The following CAPZB variants were observed in gnomAD, a reference collection of about 807,000 sequenced individuals.
CAPZB encodes the protein capping actin protein of muscle Z-line subunit beta.
In CAPZB, 2 loss-of-function variants were observed where a neutral mutation model predicts 38.1. That is an observed-to-expected ratio of 0.05 (90% CI 0.02 to 0.17). The LOEUF is 0.17. CAPZB is among the 10% of genes least tolerant of loss of function. The probability of loss-of-function intolerance (pLI) is 1.00; values close to 1 mark genes in which losing one functional copy is unlikely to be tolerated. For missense variants in CAPZB, 161 were observed against 334.2 expected (o/e 0.48, Z 4.04); for synonymous variants, 107 against 127.4 (o/e 0.84, Z 1.08).
chr1:19,363,517 C>A (rs905430519), intron 4 of CAPZB, among the ~76,000 whole-genome samples: 1 of 151,888 alleles, frequency 6.6e-6, no homozygotes, highest in Admixed American at 6.6e-5. Flanking sequence ...ATTCTATGTC[C>A]GTAACTTTTC....
rs11384902 is a variant in CAPZB, at chr1:19,442,009, C to CAAAAAAAAAAA, written c.4-22270_4-22260dup. On this transcript the variant is annotated intron_variant, in intron 1 of 8. Transcript: ENST00000264202. ...GGGCGACAGAGCAAGACTCTGTCTC[C>CAAAAAAAAAAA]AAAAAAAAAAAAAAAAAAAGCACAG... Among the ~76,000 whole-genome samples, 2 of 86,058 alleles carry CAAAAAAAAAAA rather than the reference C, an allele frequency of 2.3e-5. 1 individual carries two copies. Among genetic ancestry groups the CAAAAAAAAAAA allele is most frequent in the African/African-American group, 9.8e-5 (2 of 20,502 alleles). 56.5% of individuals were successfully genotyped at this position (86,058 alleles called of 152,430 possible).
intron 3 of CAPZB, among the ~76,000 whole-genome samples, chr1:19,381,900 C>T (rs2094177017): frequency 6.6e-6 from 1 of 152,096 alleles, no homozygotes; most frequent in Non-Finnish European, 1.5e-5. Flanking sequence ...TGAAAAGATG[C>T]TGTCGCCATG....
chr1:19,399,745 A>C (rs2094292930), intron 2 of CAPZB, among the ~76,000 whole-genome samples: 1 of 152,206 alleles, frequency 6.6e-6, no homozygotes, highest in Non-Finnish European at 1.5e-5. Flanking sequence ...TTGCTTAAAA[A>C]AAGGGCTGTA....
intron 1 of CAPZB, among the ~76,000 whole-genome samples, chr1:19,473,804 C>T (rs1390241009): frequency 6.6e-6 from 1 of 152,084 alleles, no homozygotes; most frequent in East Asian, 1.9e-4. Context: ...GCGGAAGTTG[C>T]AGTGAGCTGA....
intron 2 of CAPZB, among the ~76,000 whole-genome samples, chr1:19,416,797 G>A (rs140012801): frequency 1.4e-5 from 2 of 140,480 alleles, no homozygotes; most frequent in Non-Finnish European, 3.0e-5. Context: ...AGTTTAGGAG[G>A]CTGCATTGAG....
chr1:19,455,047 T>C (rs1465857453), intron 1 of CAPZB, among the ~76,000 whole-genome samples: 1 of 152,170 alleles, frequency 6.6e-6, no homozygotes, highest in Non-Finnish European at 1.5e-5. Context: ...GCAGCCAGGA[T>C]GCGGAGGGCC....
chr1:19,351,286 AT>A (rs201380123), intron 6 of CAPZB, among the ~76,000 whole-genome samples: 7,889 of 130,180 alleles, frequency 0.061, 293 homozygotes, highest in East Asian at 0.15. Context: ...CGATCTTTCC[AT>A]TTTTTTTTTT....
intron 1 of CAPZB, among the ~76,000 whole-genome samples, chr1:19,440,059 T>C (rs984554717): frequency 2.0e-5 from 3 of 152,200 alleles, no homozygotes; most frequent in South Asian, 2.1e-4. Context: ...AAAATACATA[T>C]ATTACTGCAA....
At chr1:19,352,293 G>A (rs946681429) in intron 6 of CAPZB, among the ~76,000 whole-genome samples, 1 of 152,260 alleles carries the variant, frequency 6.6e-6, no homozygotes, top group Non-Finnish European at 1.5e-5. Context: ...TGTCTCTGCT[G>A]AGTGGGGAGA....
chr1:19,468,870 A>G lies in CAPZB; in HGVS notation c.3+16566T>C, dbSNP rs1418826973. On this transcript the variant is annotated intron_variant, in intron 1 of 8. Coordinates refer to ENST00000264202, the MANE Select transcript of CAPZB (RefSeq NM_004930.5). ...TGAGCCCTCTCACCTCCACTTCAAC[A>G]AAATCGGTCCCCTGGGACCCGTGCC... 2.0e-5 allele frequency among the ~76,000 whole-genome samples: 3 copies of G among 152,262 alleles called. No individual in the cohort carries two copies. The East Asian group carries it at 5.8e-4, about 29-fold the overall frequency.
chr1:19,344,287 C>T, intron 8 of CAPZB, 71 bp downstream of exon 8: 1 of 1,232,340 alleles, frequency 8.1e-7, no homozygotes, highest in South Asian at 1.2e-5. Flanking sequence ...GACCACACAG[C>T]TAGTAACTGG....
intron 8 of CAPZB, chr1:19,342,873 A>T (rs368553328): frequency 2.6e-6 from 4 of 1,527,436 alleles, no homozygotes; most frequent in African/African-American, 2.7e-5. Flanking sequence ...ATCTACAGAG[A>T]GTGTTCAAGA....
At chr1:19,451,689 G>T (rs986826603) in intron 1 of CAPZB, among the ~76,000 whole-genome samples, 10 of 151,886 alleles carry the variant, frequency 6.6e-5, no homozygotes, top group African/African-American at 2.2e-4. Context: ...CTAGGACCAG[G>T]GGGTGATCAC....
At chr1:19,375,491 G>A (rs976667292) in intron 4 of CAPZB, among the ~76,000 whole-genome samples, 1 of 152,186 alleles carries the variant, frequency 6.6e-6, no homozygotes, top group African/African-American at 2.4e-5. Context: ...CCTTCCTCCC[G>A]AGGTGCTGGG....
intron 3 of CAPZB, among the ~76,000 whole-genome samples, chr1:19,383,071 G>C (rs1373316392): frequency 1.3e-5 from 2 of 150,184 alleles, no homozygotes; most frequent in Non-Finnish European, 3.0e-5. Flanking sequence ...TTGAACCTAG[G>C]AGTTCGAGGC....
intron 8 of CAPZB, among the ~76,000 whole-genome samples, chr1:19,343,334 T>C (rs570704758): frequency 7.2e-5 from 11 of 152,282 alleles, no homozygotes; most frequent in Non-Finnish European, 1.5e-5. Context: ...CTGAAATCTG[T>C]CGCCCACCCC....
chr1:19,394,724 A>G (rs1442242591), intron 2 of CAPZB, among the ~76,000 whole-genome samples: 1 of 152,132 alleles, frequency 6.6e-6, no homozygotes, highest in Non-Finnish European at 1.5e-5. Flanking sequence ...TCAAAATACA[A>G]AACAAAACAA....
intron 4 of CAPZB, among the ~76,000 whole-genome samples, chr1:19,366,283 A>AATAAATATATACATATATATATATATAT (rs71008151): frequency 1.7e-5 from 1 of 60,504 alleles, no homozygotes; most frequent in Non-Finnish European, 3.4e-5. Context: ...CGTGTCTTAA[A>AATAAATATATACATATATATATATATAT]ATATATATAT....
chr1:19,375,739 T>G (rs944284457), intron 4 of CAPZB, among the ~76,000 whole-genome samples: 1 of 152,234 alleles, frequency 6.6e-6, no homozygotes, highest in Non-Finnish European at 1.5e-5. Flanking sequence ...AGAGGCAGCG[T>G]GAAGAGTGAG....
Sources: allele counts gnomAD v4.1 joint callset (sites outside exome capture counted in the v4.1 genomes callset), GRCh38; gene constraint gnomAD v4.1.1; transcripts MANE v1.5; gene names NCBI Gene and HGNC (gene_info 2026-07-23, HGNC 2026-07-21).